Variants in MIPEP observed in about 807,000 individuals in gnomAD.
MIPEP encodes mitochondrial intermediate peptidase.
In MIPEP, 79 loss-of-function variants were observed where a neutral mutation model predicts 90.3. The ratio of observed to expected loss-of-function variants is 0.87; its 90% CI spans 0.73 to 1.05. The LOEUF is 1.05. Among genes scored for constraint, MIPEP ranks in the 50% least tolerant of loss-of-function variants. The pLI, the probability that MIPEP is intolerant of heterozygous loss-of-function variation, is 0.00. For missense variants in MIPEP, 940 were observed against 905.6 expected, an observed-to-expected ratio of 1.04 and a Z score of -0.49; for synonymous variants, 334 against 315.8, an observed-to-expected ratio of 1.06 and a Z score of -0.61.
intron 9 of MIPEP, 123 bp downstream of exon 9, chr13:23,862,179 C>T (rs139220543): frequency 3.0e-5 from 20 of 658,296 alleles, no homozygotes; most frequent in East Asian, 2.5e-4. Context: ...TCACCAAAAC[C>T]GAGGATCAGA....
At chr13:23,798,526 C>T (rs141935158) in intron 16 of MIPEP, among the ~76,000 whole-genome samples, 87 of 152,106 alleles carry the variant, frequency 5.7e-4, no homozygotes, top group African/African-American at 2.0e-3. Context: ...TATATAAATC[C>T]CCCGATATAG....
intron 16 of MIPEP, among the ~76,000 whole-genome samples, chr13:23,795,151 T>C (rs1952942777): frequency 1.3e-5 from 2 of 152,022 alleles, no homozygotes; most frequent in Non-Finnish European, 1.5e-5. Flanking sequence ...GAAGAGACTT[T>C]CCATTTGCAG....
At chr13:23,766,100 T>C (rs1036166729) in intron 16 of MIPEP, 3 of 152,198 alleles carry the variant, frequency 2.0e-5, no homozygotes, top group African/African-American at 7.2e-5. Flanking sequence ...ACCATATCTG[T>C]TTTGCAGATA....
chr13:23,857,850 T>C (rs986087635), intron 10 of MIPEP, among the ~76,000 whole-genome samples: 2 of 152,226 alleles, frequency 1.3e-5, no homozygotes, highest in African/African-American at 2.4e-5. Context: ...ATTAAGCAAA[T>C]ACTTCTTATT....
chr13:23,787,983 A>T (rs2137372112), intron 16 of MIPEP, among the ~76,000 whole-genome samples: 1 of 152,288 alleles, frequency 6.6e-6, no homozygotes, highest in South Asian at 2.1e-4. Context: ...GTTCACAGAG[A>T]ACTGAATGGC....
intron 14 of MIPEP, among the ~76,000 whole-genome samples, chr13:23,813,673 T>G (rs565831820): frequency 6.6e-6 from 1 of 152,280 alleles, no homozygotes; most frequent in Non-Finnish European, 1.5e-5. Context: ...CATAATTCAC[T>G]GCATCCTCGA....
At chr13:23,793,810 A>G (rs1952926401) in intron 16 of MIPEP, among the ~76,000 whole-genome samples, 2 of 151,786 alleles carry the variant, frequency 1.3e-5, no homozygotes, top group Admixed American at 6.6e-5. Context: ...GAGCAGAAAG[A>G]GAGCACTCCA....
intron 9 of MIPEP, among the ~76,000 whole-genome samples, chr13:23,860,095 T>C (rs991353244): frequency 1.3e-5 from 2 of 152,138 alleles, no homozygotes; most frequent in Non-Finnish European, 2.9e-5. Flanking sequence ...AACAAGAGGA[T>C]GATAGCCTAG....
At chr13:23,807,147 G>T (rs536951081) in intron 15 of MIPEP, among the ~76,000 whole-genome samples, 13 of 152,260 alleles carry the variant, frequency 8.5e-5, no homozygotes, top group African/African-American at 3.1e-4. Context: ...AACACAGTGG[G>T]AGAAGAAAGC....
chr13:23,854,051 C>T (rs77722556), intron 10 of MIPEP, among the ~76,000 whole-genome samples: 15,914 of 151,778 alleles, frequency 0.1, 1,038 homozygotes, highest in Non-Finnish European at 0.15. Flanking sequence ...ATTGGCCAGG[C>T]GCGGTGGCTC....
chr13:23,805,853 G>A, intron 16 of MIPEP, 97 bp downstream of exon 16: 1 of 1,324,854 alleles, frequency 7.5e-7, no homozygotes, highest in East Asian at 2.4e-5. Flanking sequence ...ATAAATGTAG[G>A]GATTTCAAGT....
intron 16 of MIPEP, among the ~76,000 whole-genome samples, chr13:23,769,425 G>A (rs188921330): frequency 1.3e-5 from 2 of 152,340 alleles, no homozygotes; most frequent in Admixed American, 6.5e-5. Flanking sequence ...GGACATGAGT[G>A]CCCTTTGTAG....
At chr13:23,804,487 G>C (rs1953083278) in intron 16 of MIPEP, among the ~76,000 whole-genome samples, 1 of 152,182 alleles carries the variant, frequency 6.6e-6, no homozygotes, top group Non-Finnish European at 1.5e-5. Flanking sequence ...TAAATAGTTA[G>C]ATTATTCTTA....
intron 14 of MIPEP, among the ~76,000 whole-genome samples, chr13:23,828,412 T>C (rs1199553169): frequency 6.6e-6 from 1 of 152,208 alleles, no homozygotes. Context: ...GAAGTAATTA[T>C]CTGGTTAAAA....
intron 10 of MIPEP, among the ~76,000 whole-genome samples, chr13:23,853,464 A>G (rs1400694250): frequency 2.0e-5 from 3 of 152,134 alleles, no homozygotes; most frequent in Non-Finnish European, 4.4e-5. Flanking sequence ...TAGGAGCGAC[A>G]GGCTATACCA....
chr13:23,828,977 T>A (rs946574201), intron 14 of MIPEP, among the ~76,000 whole-genome samples: 4 of 152,202 alleles, frequency 2.6e-5, no homozygotes, highest in African/African-American at 9.7e-5. Context: ...ACAGACAGCA[T>A]GGCTTTGATA....
chr13:23,824,728 T>C (rs941681779), intron 14 of MIPEP, among the ~76,000 whole-genome samples: 2 of 152,236 alleles, frequency 1.3e-5, no homozygotes, highest in Non-Finnish European at 2.9e-5. Flanking sequence ...ATAAAAATGT[T>C]GGCTAGGCCC....
At chr13:23,736,612 T>A (rs1952266498) in intron 18 of MIPEP, among the ~76,000 whole-genome samples, 1 of 152,172 alleles carries the variant, frequency 6.6e-6, no homozygotes, top group African/African-American at 2.4e-5. Flanking sequence ...GTTTCCAAAC[T>A]GCGGCTTTCC....
intron 16 of MIPEP, among the ~76,000 whole-genome samples, chr13:23,787,338 GT>G (rs1483435497): frequency 6.6e-6 from 1 of 152,058 alleles, no homozygotes; most frequent in Non-Finnish European, 1.5e-5. Context: ...GGAGATGGCA[GT>G]TTGCTTGCTG....
Sources: allele counts gnomAD v4.1 joint callset (sites outside exome capture counted in the v4.1 genomes callset), GRCh38; gene constraint gnomAD v4.1.1; transcripts MANE v1.5; gene names NCBI Gene and HGNC (gene_info 2026-07-23, HGNC 2026-07-21).